The following HKDC1 variants were observed in gnomAD, a reference collection of about 807,000 sequenced individuals.
HKDC1 encodes hexokinase domain containing 1.
A neutral mutation model predicts 96.6 loss-of-function variants in HKDC1; 66 were observed. The ratio of observed to expected loss-of-function variants is 0.68; its 90% CI spans 0.56 to 0.84. The LOEUF (loss-of-function observed/expected upper bound fraction) is 0.84. HKDC1 is among the 40% of genes least tolerant of loss of function. The probability of loss-of-function intolerance (pLI) is 0.00; values close to 1 mark genes in which losing one functional copy is unlikely to be tolerated. For synonymous variants in HKDC1, 466 were observed against 473.1 expected (o/e 0.98, Z 0.20); for missense variants, 1,211 against 1,208.1 (o/e 1.00, Z -0.04).
chr10:69,233,097 T>C lies in HKDC1; in HGVS notation c.459T>C (p.Thr153=). 1 of 1,614,060 alleles carries C rather than the reference T, an allele frequency of 6.2e-7. No individual in the cohort carries two copies. The highest frequency in any genetic ancestry group is 8.5e-7 in the Non-Finnish European group (1 of 1,180,026). ...ATAAGAAATTGCCCCTTGGCCTAACTTTTTCTTTCCCCTGTCGACAGACTA... is the reference window on the plus strand; with the variant it reads ...ATAAGAAATTGCCCCTTGGCCTAACCTTTTCTTTCCCCTGTCGACAGACTA... The part of the protein sequence containing the change: ...LKHKKLPLGL[T]FSFPCRQTKL... The change falls in exon 4 of 18, where the codon ACT becomes ACC. Residue 153 remains threonine, a synonymous_variant. Transcript: ENST00000354624.
At position 69,246,200 on chromosome 10, in the gene HKDC1, A is replaced by C. The variant is rs1331619768; in HGVS notation, c.997A>C (p.Lys333Gln). The change falls in exon 8 of 18, where the codon AAG (lysine) becomes CAG (glutamine). Residue 333 changes from lysine to glutamine, a missense_variant. By Grantham distance (53) the Lys-to-Gln change is moderately conservative. Transcript: ENST00000354624. ...ATCTTCTGCTCTCCACACTAAGGGC[A>C]AGATCGAAACACGGCACGTGGCTGC... ...EKSSALHTKG[K>Q]IETRHVAAME... is the part of the protein sequence containing the mutation. The C allele has an allele frequency of 6.2e-7, 1 of 1,614,184 alleles. No homozygotes were observed.
chr10:69,265,852 T>C (rs1481395960), intron 17 of HKDC1, 34 bp downstream of exon 17: 2 of 1,166,756 alleles, frequency 1.7e-6, no homozygotes, highest in Non-Finnish European at 2.5e-6. Context: ...CGGGTGGGGC[T>C]GGGGAGGGCT....
At chr10:69,263,798 T>C (rs1843847230) in intron 16 of HKDC1, among the ~76,000 whole-genome samples, 1 of 152,148 alleles carries the variant, frequency 6.6e-6, no homozygotes. Flanking sequence ...GACACACCAG[T>C]TAAAAAACCT....
At chr10:69,234,902 C>G (rs1478282068) in intron 4 of HKDC1, among the ~76,000 whole-genome samples, 1 of 152,264 alleles carries the variant, frequency 6.6e-6, no homozygotes, top group African/African-American at 2.4e-5. Flanking sequence ...ATCATCTATA[C>G]AGGGGACAGG....
chr10:69,244,100 A>G (rs1455376489), intron 7 of HKDC1, among the ~76,000 whole-genome samples: 1 of 151,448 alleles, frequency 6.6e-6, no homozygotes, highest in East Asian at 1.9e-4. Flanking sequence ...GCAAGTGGTG[A>G]CTCTGGCAGG....
intron 2 of HKDC1, among the ~76,000 whole-genome samples, chr10:69,231,625 C>G (rs149218358): frequency 3.3e-5 from 5 of 152,302 alleles, no homozygotes; most frequent in Admixed American, 1.3e-4. Flanking sequence ...ACAATCTGAG[C>G]ACTGGTCCTA....
intron 1 of HKDC1, 32 bp from the exon 2 acceptor site, chr10:69,227,175 C>G (rs1843171877): frequency 6.2e-7 from 1 of 1,612,394 alleles, no homozygotes; most frequent in Non-Finnish European, 8.5e-7. Context: ...GGGCCCCCAG[C>G]AGCACCCCTT....
At chr10:69,251,617 T>C (rs1466534484) in intron 12 of HKDC1, among the ~76,000 whole-genome samples, 1 of 152,194 alleles carries the variant, frequency 6.6e-6, no homozygotes, top group Non-Finnish European at 1.5e-5. Flanking sequence ...TCCATGAACA[T>C]GGGATATCTT....
At chr10:69,234,019 CTG>C (rs1843322396) in intron 4 of HKDC1, among the ~76,000 whole-genome samples, 2 of 152,204 alleles carry the variant, frequency 1.3e-5, no homozygotes, top group South Asian at 4.2e-4. Context: ...TAACTCATCT[CTG>C]TGTGTCTCAG....
intron 4 of HKDC1, 86 bp downstream of exon 4, chr10:69,233,219 A>C (rs1843301434): frequency 3.9e-6 from 6 of 1,524,808 alleles, no homozygotes; most frequent in Non-Finnish European, 5.3e-6. Flanking sequence ...CGCAGGAGAG[A>C]ACAGCAGGAG....
chr10:69,260,572 G>A (rs1843789582), intron 15 of HKDC1, among the ~76,000 whole-genome samples: 1 of 152,168 alleles, frequency 6.6e-6, no homozygotes. Flanking sequence ...GAGAACCCAA[G>A]CCCAGCACAT....
chr10:69,256,934 G>A (rs1843724835), intron 12 of HKDC1, 102 bp from the exon 13 acceptor site: 1 of 870,674 alleles, frequency 1.1e-6, no homozygotes, highest in East Asian at 2.5e-5. Context: ...ACACGTACTT[G>A]ACAAGCAGCC....
At chr10:69,248,321 G>GC (rs112539375) in intron 9 of HKDC1, 103 bp from the exon 10 acceptor site, 160,724 of 1,186,968 alleles carry the variant, frequency 0.14, 12,187 homozygotes, top group Middle Eastern at 0.17. Flanking sequence ...GCTGAGCCCC[G>GC]CCCCGCAGGG....
intron 1 of HKDC1, among the ~76,000 whole-genome samples, chr10:69,224,944 G>A (rs1410988852): frequency 6.6e-6 from 1 of 152,162 alleles, no homozygotes; most frequent in Non-Finnish European, 1.5e-5. Context: ...CACATGACTT[G>A]TTTGGATTGA....
chr10:69,248,556 G>A lies in HKDC1; in HGVS notation c.1398G>A (p.Gln466=). 6.2e-7 allele frequency: 1 copy of A among 1,614,130 alleles called. No homozygotes were observed. The highest frequency in any genetic ancestry group is 8.5e-7 in the Non-Finnish European group (1 of 1,180,042). The change falls in exon 10 of 18, where the codon CAG becomes CAA. Residue 466 remains glutamine, a synonymous_variant. Transcript: ENST00000354624. ...CGGTGGCCTCCCGCGTGCAGGCCCA[G>A]CGGAAGCAGATCGACAGGGTGCTGG... The part of the protein sequence containing the change: ...VTAVASRVQA[Q]RKQIDRVLAL...
At chr10:69,223,578 AT>A (rs60016100) in intron 1 of HKDC1, among the ~76,000 whole-genome samples, 18,335 of 85,376 alleles carry the variant, frequency 0.21, 644 homozygotes, top group Non-Finnish European at 0.26. Context: ...CCACAATCTA[AT>A]TTTTTTTTTT....
chr10:69,252,506 C>T (rs778717383), intron 12 of HKDC1, among the ~76,000 whole-genome samples: 9 of 151,900 alleles, frequency 5.9e-5, no homozygotes, highest in Non-Finnish European at 8.8e-5. Flanking sequence ...ATTAGCCCGG[C>T]GTGGTGGCAG....
At chr10:69,247,107 G>A (rs1163335417) in intron 8 of HKDC1, among the ~76,000 whole-genome samples, 8 of 152,200 alleles carry the variant, frequency 5.3e-5, no homozygotes, top group Admixed American at 4.6e-4. Flanking sequence ...GGGTAATGAC[G>A]GTGCCTCCCG....
At chr10:69,238,368 C>CTTTTTTTTTTTTTTTTTTTT (rs55819248) in intron 4 of HKDC1, among the ~76,000 whole-genome samples, 1 of 61,378 alleles carries the variant, frequency 1.6e-5, no homozygotes, top group African/African-American at 8.2e-5. Context: ...CAGGTATTTT[C>CTTTTTTTTTTTTTTTTTTTT]TTTTTTTTTT....
Sources: gnomAD v4.1 joint callset for allele counts (sites outside exome capture counted in the v4.1 genomes callset) on GRCh38, gnomAD v4.1.1 for gene constraint, MANE v1.5 for transcripts, NCBI Gene and HGNC (gene_info 2026-07-23, HGNC 2026-07-21) for gene names.